The following STK38L variants were observed in gnomAD, a reference collection of about 807,000 sequenced individuals.
The protein encoded by STK38L is serine/threonine kinase 38 like, also known as serine/threonine-protein kinase 38-like.
A neutral mutation model predicts 59.7 loss-of-function variants in STK38L; 28 were observed. The observed-to-expected ratio is 0.47, with a 90% confidence interval of 0.35 to 0.64. STK38L has a LOEUF of 0.64. Ranked by LOEUF, STK38L falls within the 30% of genes least tolerant of loss-of-function variation. STK38L has a pLI of 0.01. For synonymous variants in STK38L, 162 were observed against 176.8 expected, an observed-to-expected ratio of 0.92 and a Z score of 0.66; for missense variants, 314 against 555.8, an observed-to-expected ratio of 0.56 and a Z score of 4.37.
At chr12:27,294,376 G>A (rs914891355) in intron 1 of STK38L, among the ~76,000 whole-genome samples, 5 of 151,864 alleles carry the variant, frequency 3.3e-5, no homozygotes, top group Non-Finnish European at 5.9e-5. Flanking sequence ...AAACATTAGC[G>A]TGCACCTGTA....
intron 1 of STK38L, among the ~76,000 whole-genome samples, chr12:27,255,824 G>A (rs35050028): frequency 0.031 from 4,674 of 152,084 alleles, 106 homozygotes; most frequent in Non-Finnish European, 0.044. Flanking sequence ...TCAGGTCCCC[G>A]TCCTGATCTT....
rs561108197 is a variant in STK38L at position 27,285,288 on chromosome 12, G to C, written c.-11-12422G>C. Among the ~76,000 whole-genome samples the C allele has an allele frequency of 6.5e-4, 99 of 152,302 alleles. No individual in the cohort carries two copies. The Middle Eastern group carries it at 0.01, about 16-fold the overall frequency. ...AAATAAAAAAGGAATTGGTACAACT[G>C]AGAAATGCTTACAACTCTCTCCTGA... On this transcript the variant is annotated intron_variant, in intron 1 of 13. Transcript: ENST00000389032.
At chr12:27,314,981 TA>T in intron 7 of STK38L, 33 bp from the exon 8 acceptor site, 1 of 1,512,126 alleles carries the variant, frequency 6.6e-7, no homozygotes, top group Admixed American at 1.9e-5. Context: ...TTTTCAAAGT[TA>T]ATATGATCTA....
intron 1 of STK38L, among the ~76,000 whole-genome samples, chr12:27,270,190 A>G (rs1361622517): frequency 6.6e-6 from 1 of 152,118 alleles, no homozygotes; most frequent in Non-Finnish European, 1.5e-5. Flanking sequence ...ACAATTGCCT[A>G]TAAGAGATCC....
intron 1 of STK38L, among the ~76,000 whole-genome samples, chr12:27,296,115 A>G (rs1944014242): frequency 6.6e-6 from 1 of 152,260 alleles, no homozygotes; most frequent in Admixed American, 6.5e-5. Flanking sequence ...AAATGCAATC[A>G]TGCATGGCAA....
At chr12:27,310,174 G>T (rs779843592) in intron 5 of STK38L, among the ~76,000 whole-genome samples, 30 of 152,106 alleles carry the variant, frequency 2.0e-4, no homozygotes, top group Non-Finnish European at 4.0e-4. Context: ...GGAACCATCA[G>T]GAGACAGGGT....
At chr12:27,252,105 G>A (rs193047180) in intron 1 of STK38L, among the ~76,000 whole-genome samples, 21 of 152,076 alleles carry the variant, frequency 1.4e-4, no homozygotes, top group Non-Finnish European at 2.6e-4. Context: ...TCAGCCTCCC[G>A]AGTAGCTGGG....
chr12:27,259,369 C>T (rs150497762), intron 1 of STK38L, among the ~76,000 whole-genome samples: 1 of 152,210 alleles, frequency 6.6e-6, no homozygotes, highest in East Asian at 1.9e-4. Context: ...GTCAGATTTG[C>T]AGTGTGTCGG....
At chr12:27,290,099 A>G (rs1469325069) in intron 1 of STK38L, among the ~76,000 whole-genome samples, 1 of 152,172 alleles carries the variant, frequency 6.6e-6, no homozygotes, top group Non-Finnish European at 1.5e-5. Context: ...CTTTAAAAAT[A>G]TTTTTTACTG....
Position 27,308,466 on chromosome 12 carries a change from G to C in STK38L, c.309+5G>C. 1.9e-6 allele frequency: 3 copies of C among 1,558,846 alleles called. No homozygotes were observed. Among genetic ancestry groups the C allele is most frequent in the Non-Finnish European group, 2.6e-6 (3 of 1,155,992 alleles). ...GGAAGAGGAGCTTTTGGAGAGGTGT[G>C]CTTCTTTTTAAAAGTCACTACTGCT... On this transcript the variant is annotated splice_donor_5th_base_variant and intron_variant, in intron 4 of 13. Transcript: ENST00000389032. This position sits in a 1 kb window ranked among gnomAD's most constrained non-coding sequence, Gnocchi z 4.5.
chr12:27,318,062 C>G lies in STK38L; in HGVS notation c.1079+43C>G, dbSNP rs973626842. ...TAGAGGAGTTCATAGTGTCTTAAAA[C>G]TTCCTAAGAACCTAAAAGACTCATT... On this transcript the variant is annotated intron_variant, in intron 11 of 13. Coordinates refer to ENST00000389032, the MANE Select transcript of STK38L (RefSeq NM_015000.4). The G allele has an allele frequency of 5.0e-6, 8 of 1,608,202 alleles. No individual in the cohort carries two copies. In the Admixed American group the frequency reaches 5.1e-5, roughly 10 times the overall value.
At chr12:27,270,209 C>CT (rs1943394837) in intron 1 of STK38L, among the ~76,000 whole-genome samples, 2 of 151,936 alleles carry the variant, frequency 1.3e-5, no homozygotes, top group African/African-American at 2.4e-5. Flanking sequence ...CCAAATGAAT[C>CT]TTTTTTTATT....
At chr12:27,245,748 T>C (rs1378271743) in intron 1 of STK38L, 2 of 152,080 alleles carry the variant, frequency 1.3e-5, no homozygotes, top group East Asian at 3.8e-4. Flanking sequence ...CATAATTTTA[T>C]TGCATAAGTT....
In STK38L at chr12:27,281,618, C is replaced by T. The variant is rs567556920; in HGVS notation, c.-11-16092C>T. ...AGATAATGCACACAGTACTGCCTGGCACAGAGAAGGTGTTTTATAAATGGT... is the reference window on the plus strand; with the variant it reads ...AGATAATGCACACAGTACTGCCTGGTACAGAGAAGGTGTTTTATAAATGGT... On this transcript the variant is annotated intron_variant, in intron 1 of 13. Transcript: ENST00000389032. Among the ~76,000 whole-genome samples the T allele has an allele frequency of 2.3e-4, 35 of 152,146 alleles. 1 individual carries two copies. The highest frequency in any genetic ancestry group is 2.4e-4 in the Non-Finnish European group (16 of 68,024).
intron 1 of STK38L, among the ~76,000 whole-genome samples, chr12:27,270,333 A>T (rs1388299345): frequency 1.3e-5 from 2 of 151,998 alleles, no homozygotes; most frequent in Non-Finnish European, 2.9e-5. Flanking sequence ...TCAGCCTGCC[A>T]AGTAGCTGGG....
chr12:27,299,064 C>A (rs1944100438), intron 2 of STK38L, among the ~76,000 whole-genome samples: 1 of 152,156 alleles, frequency 6.6e-6, no homozygotes, highest in Admixed American at 6.5e-5. Context: ...ATTGTGACAA[C>A]AACAACAGAG....
At chr12:27,317,287 T>C (rs1182913505) in intron 9 of STK38L, 49 bp from the exon 10 acceptor site, 1 of 1,337,808 alleles carries the variant, frequency 7.5e-7, no homozygotes, top group Non-Finnish European at 1.1e-6. Flanking sequence ...CTCAGATAGA[T>C]ATTTTTTAAA....
intron 3 of STK38L, among the ~76,000 whole-genome samples, chr12:27,307,305 A>G (rs1944341442): frequency 6.6e-6 from 1 of 152,210 alleles, no homozygotes; most frequent in Non-Finnish European, 1.5e-5. Flanking sequence ...TCTTAGATTA[A>G]CTTTGTTAGA....
In STK38L at chr12:27,322,478, A is replaced by T. The variant is rs1320037252; in HGVS notation, c.*23A>T. 7 of 1,605,356 alleles carry T rather than the reference A, an allele frequency of 4.4e-6. No individual in the cohort carries two copies. Among genetic ancestry groups the T allele is most frequent in the Non-Finnish European group, 5.9e-6 (7 of 1,177,550 alleles). On this transcript the variant is annotated 3_prime_UTR_variant, in exon 14 of 14. Transcript: ENST00000389032. ...TGAATGAAGATAACATTCACCCATA[A>T]CCAAGAGAACTCAGGTAGCTGCATC...
Sources: allele counts gnomAD v4.1 joint callset (sites outside exome capture counted in the v4.1 genomes callset), GRCh38; gene constraint gnomAD v4.1.1; non-coding constraint Gnocchi (gnomAD v3.1); transcripts MANE v1.5; gene names NCBI Gene and HGNC (gene_info 2026-07-23, HGNC 2026-07-21).